DNAH14: variants seen among roughly 807,000 people sequenced by gnomAD.
DNAH14 encodes dynein axonemal heavy chain 14.
Under a neutral mutation model 520.9 loss-of-function variants are expected in DNAH14, and 478 were observed. The observed-to-expected ratio is 0.92, with a 90% CI of 0.85 to 0.99. The LOEUF (loss-of-function observed/expected upper bound fraction) is 0.99, where lower values mean the gene tolerates loss of function less well. Among genes scored for constraint, DNAH14 ranks in the 50% least tolerant of loss-of-function variants. DNAH14 has a pLI of 0.00. For missense variants in DNAH14, 4,831 were observed against 5,234.5 expected, an observed-to-expected ratio of 0.92 and a Z score of 2.38; for synonymous variants, 1,581 against 1,757.2, an observed-to-expected ratio of 0.90 and a Z score of 2.51.
Position 225,206,953 on chromosome 1 carries a change from G to C in DNAH14, c.6187-15G>C. 6.9e-7 allele frequency: 1 copy of C among 1,458,760 alleles called. No homozygotes were observed. The highest frequency in any genetic ancestry group is 9.0e-7 in the Non-Finnish European group (1 of 1,105,160). The allele number at this position is 1,458,760 out of a possible 1,614,324, so 90.4% of individuals were successfully genotyped here. ...ATTTATTTACATAAGATTATATTTT[G>C]CTCCTTATTATTAGGATCCTGTTGA... On this transcript the variant is annotated splice_polypyrimidine_tract_variant and intron_variant, in intron 40 of 85. Coordinates refer to ENST00000682510, the MANE Select transcript of DNAH14 (RefSeq NM_001367479.1).
At chr1:225,336,246 C>T (rs539009935) in intron 66 of DNAH14, among the ~76,000 whole-genome samples, 8 of 151,226 alleles carry the variant, frequency 5.3e-5, no homozygotes, top group South Asian at 4.2e-4. Flanking sequence ...ATAAAACATA[C>T]GTTATTTCTA....
intron 1 of DNAH14, among the ~76,000 whole-genome samples, chr1:224,944,566 T>G (rs1159689026): frequency 6.7e-6 from 1 of 148,538 alleles, no homozygotes; most frequent in African/African-American, 2.4e-5. Context: ...GCTCGTTAGT[T>G]GATGAAGTTT....
rs559045681 is a variant in DNAH14 at position 225,186,735 on chromosome 1, T to C, written c.5670+1310T>C. On this transcript the variant is annotated intron_variant, in intron 37 of 85. Transcript: ENST00000682510. ...GGAATTTTCACATAATGTTATATGC[T>C]GAGAATTAACCTTATGACATTAAAC... Among the ~76,000 whole-genome samples the C allele has an allele frequency of 1.3e-4, 19 of 151,986 alleles. No homozygotes were observed. The South Asian group carries it at 3.9e-3, about 32-fold the overall frequency.
chr1:225,327,283 G>A (rs1244427686), intron 64 of DNAH14, among the ~76,000 whole-genome samples: 7 of 151,544 alleles, frequency 4.6e-5, no homozygotes, highest in Non-Finnish European at 8.8e-5. Flanking sequence ...TCAGCCTCCC[G>A]AGTAGCTGGG....
chr1:225,194,430 C>A (rs1246905732), intron 38 of DNAH14, among the ~76,000 whole-genome samples: 1 of 151,894 alleles, frequency 6.6e-6, no homozygotes, highest in Non-Finnish European at 1.5e-5. Context: ...TAAGCAGTGG[C>A]AAAAGGACTT....
chr1:224,965,442 G>C (rs901351460), intron 5 of DNAH14, among the ~76,000 whole-genome samples: 2 of 151,874 alleles, frequency 1.3e-5, no homozygotes, highest in Non-Finnish European at 1.5e-5. Context: ...TTTCTGAAGA[G>C]GACCAGGTAA....
At chr1:225,084,828 A>C (rs1205771230) in intron 20 of DNAH14, among the ~76,000 whole-genome samples, 1 of 151,992 alleles carries the variant, frequency 6.6e-6, no homozygotes, top group East Asian at 1.9e-4. Context: ...TGCTTTACAC[A>C]TTATCAGTGT....
chr1:225,162,790 A>G (rs2081643478), intron 35 of DNAH14, among the ~76,000 whole-genome samples: 1 of 152,154 alleles, frequency 6.6e-6, no homozygotes, highest in African/African-American at 2.4e-5. Flanking sequence ...TAGCTACTAT[A>G]AATGGGATTA....
chr1:225,081,673 T>C (rs1196619079), intron 19 of DNAH14, among the ~76,000 whole-genome samples: 1 of 152,170 alleles, frequency 6.6e-6, no homozygotes, highest in Non-Finnish European at 1.5e-5. Flanking sequence ...AGAAGCCCCA[T>C]ATATACAAAT....
Position 225,080,449 on chromosome 1 carries a change from CAG to C in DNAH14, c.2838_2839del (p.Glu948SerfsTer6). Reference sequence around the variant, plus strand: ...GCAATGGAAATGATCCAGACTCTCTCAGGGGAAGCTGCAAGTTTAACTAACAA... The same window carrying C: ...GCAATGGAAATGATCCAGACTCTCTCGGGAAGCTGCAAGTTTAACTAACAA... On this transcript the variant is annotated frameshift_variant, in exon 19 of 86. Transcript: ENST00000682510. LOFTEE classifies it high-confidence loss of function. The C allele has an allele frequency of 1.3e-6, 2 of 1,551,620 alleles. No individual in the cohort carries two copies. The highest frequency in any genetic ancestry group is 1.7e-6 in the Non-Finnish European group (2 of 1,146,920).
intron 82 of DNAH14, among the ~76,000 whole-genome samples, chr1:225,388,777 T>A (rs2095870526): frequency 6.6e-6 from 1 of 152,048 alleles, no homozygotes; most frequent in Non-Finnish European, 1.5e-5. Context: ...ATTAGTTACA[T>A]GTAATTTTTT....
chr1:225,311,422 T>C (rs1461218981), intron 60 of DNAH14, among the ~76,000 whole-genome samples: 1 of 152,238 alleles, frequency 6.6e-6, no homozygotes, highest in East Asian at 1.9e-4. Context: ...TGATGATAGT[T>C]TCTTTTGCTG....
chr1:225,159,081 A>T (rs181157533), intron 34 of DNAH14, among the ~76,000 whole-genome samples: 3 of 152,236 alleles, frequency 2.0e-5, no homozygotes, highest in Admixed American at 6.5e-5. Flanking sequence ...CCTTTCTCTG[A>T]TTCAATGTCT....
chr1:225,398,046 CAAAA>C (rs11458055), intron 84 of DNAH14: 140 of 66,822 alleles, frequency 2.1e-3, no homozygotes, highest in East Asian at 6.2e-3. Flanking sequence ...GACCCCATGT[CAAAA>C]AAAAAAAAAA....
Position 225,117,740 on chromosome 1 carries a change from C to T in DNAH14, c.3924C>T (p.Ala1308=), listed in dbSNP as rs1253140011. ...IFPRFYFLSN[A]ELLDILADSR... is the part of the protein sequence containing the mutation. ...CAAGATTTTACTTTCTTAGCAATGC[C>T]GAGCTTCTTGATATTCTAGCTGATA... Residue 1308 remains alanine (A), a synonymous_variant, in exon 24 of 86, where the codon GCC becomes GCT. Coordinates refer to ENST00000682510, the MANE Select transcript of DNAH14 (RefSeq NM_001367479.1). 20 of 1,550,678 alleles carry T rather than the reference C, an allele frequency of 1.3e-5. No homozygotes were observed. Among genetic ancestry groups the T allele is most frequent in the Non-Finnish European group, 1.7e-5 (19 of 1,146,788 alleles).
chr1:225,103,605 C>T (rs12405588), intron 23 of DNAH14, among the ~76,000 whole-genome samples: 25,465 of 151,854 alleles, frequency 0.17, 2,821 homozygotes, highest in African/African-American at 0.3. Flanking sequence ...AGGTCCTTCA[C>T]GTCCCTTGTA....
chr1:225,000,563 GTTCTTTTTTTTTTTTT>G lies in DNAH14; in HGVS notation c.831-2210_831-2195del, dbSNP rs777323280. Among the ~76,000 whole-genome samples, 183 of 140,968 alleles carry G rather than the reference GTTCTTTTTTTTTTTTT, an allele frequency of 1.3e-3. 2 individuals are homozygous for G. Among genetic ancestry groups the G allele is most frequent in the Middle Eastern group, 7.5e-3 (2 of 266 alleles). The allele number at this position is 140,968 out of a possible 152,430, so 92.5% of individuals were successfully genotyped here. On this transcript the variant is annotated intron_variant, in intron 8 of 85. Transcript: ENST00000682510. ...TAATCCCACAGGTGAATGAAGGTTT[GTTCTTTTTTTTTTTTT>G]TTCTTTTTTCTGAGGTGGGATCTCA...
chr1:225,310,761 T>C (rs929001683), intron 60 of DNAH14, among the ~76,000 whole-genome samples: 5 of 152,198 alleles, frequency 3.3e-5, no homozygotes, highest in Non-Finnish European at 7.3e-5. Flanking sequence ...TCCATGTCCC[T>C]GCAAAGGACA....
chr1:225,044,566 G>T (rs967082369), intron 15 of DNAH14, among the ~76,000 whole-genome samples: 1 of 152,038 alleles, frequency 6.6e-6, no homozygotes, highest in African/African-American at 2.4e-5. Context: ...GTTTATGCAA[G>T]TCCCAGTAAT....
Sources: allele counts gnomAD v4.1 joint callset (sites outside exome capture counted in the v4.1 genomes callset), GRCh38; gene constraint gnomAD v4.1.1; transcripts MANE v1.5; gene names NCBI Gene and HGNC (gene_info 2026-07-23, HGNC 2026-07-21).